The following MB variants were observed in gnomAD, a reference collection of about 807,000 sequenced individuals.
MB encodes the protein nitrite reductase MB.
Under a neutral mutation model 14.5 loss-of-function variants are expected in MB, and 10 were observed. That is an observed-to-expected ratio of 0.69 (90% CI 0.43 to 1.17). The LOEUF is 1.17. Among genes scored for constraint, MB ranks in the 50% most tolerant of loss-of-function variants. The pLI is 0.00. For missense variants in MB, 169 were observed against 192.7 expected, an observed-to-expected ratio of 0.88 and a Z score of 0.73; for synonymous variants, 89 against 78.6, an observed-to-expected ratio of 1.13 and a Z score of -0.70.
chr22:35,611,505 C>T (rs1165242562), intron 1 of MB, among the ~76,000 whole-genome samples: 1 of 152,220 alleles, frequency 6.6e-6, no homozygotes, highest in Admixed American at 6.5e-5. Flanking sequence ...ATCTCTGCAG[C>T]TTCCTGCCCA....
chr22:35,614,734 C>CCATTATCATTATCATTAT (rs58036134), intron 1 of MB, among the ~76,000 whole-genome samples: 1 of 150,522 alleles, frequency 6.6e-6, no homozygotes, highest in South Asian at 2.1e-4. Flanking sequence ...ATCATCTCTA[C>CCATTATCATTATCATTAT]CATTATCATT....
chr22:35,608,546 A>C lies in MB; in HGVS notation c.319-1103T>G, dbSNP rs1349110417. Among the ~76,000 whole-genome samples the C allele has an allele frequency of 1.3e-5, 2 of 152,218 alleles. No individual in the cohort carries two copies. The highest frequency in any genetic ancestry group is 3.9e-4 in the East Asian group (2 of 5,194). ...CACCCCATAAGCCCCTCTGCTGGGA[A>C]AGAGGGGCAGCTCCACAAACGCCTA... On this transcript the variant is annotated intron_variant, in intron 2 of 2. Transcript: ENST00000397326. This position sits in a 1 kb window ranked among gnomAD's most constrained non-coding sequence, Gnocchi z 4.3.
At chr22:35,618,035 T>A (rs1382977208), upstream of MB, among the ~76,000 whole-genome samples, 1 of 152,248 alleles carries the variant, frequency 6.6e-6, no homozygotes, top group Non-Finnish European at 1.5e-5. Flanking sequence ...TTTCATGCCA[T>A]CTTCTCCATT....
chr22:35,615,944 C>A (rs151206861), intron 1 of MB, among the ~76,000 whole-genome samples: 1 of 152,096 alleles, frequency 6.6e-6, no homozygotes, highest in African/African-American at 2.4e-5. Flanking sequence ...GGATCACCAA[C>A]GGCTCAAATT....
chr22:35,612,456 T>C lies in MB; in HGVS notation c.96-1350A>G, dbSNP rs546582023. 6.2e-4 allele frequency among the ~76,000 whole-genome samples: 95 copies of C among 152,208 alleles called. 1 individual carries two copies. The highest frequency in any genetic ancestry group is 6.0e-4 in the Non-Finnish European group (41 of 67,994). On this transcript the variant is annotated intron_variant, in intron 1 of 2. Coordinates refer to ENST00000397326, the MANE Select transcript of MB (RefSeq NM_005368.3). ...TCTGGCTCTGTTGCCCAGGCTGGAGTGCAGTGGTGCAATCTCTGCTCACCG... is the reference window on the plus strand; with the variant it reads ...TCTGGCTCTGTTGCCCAGGCTGGAGCGCAGTGGTGCAATCTCTGCTCACCG...
intron 1 of MB, among the ~76,000 whole-genome samples, chr22:35,614,156 T>C (rs111828700): frequency 4.6e-5 from 7 of 152,296 alleles, no homozygotes; most frequent in East Asian, 1.9e-4. Context: ...TGAGGCCCAA[T>C]TGGACACTCA....
chr22:35,620,119 A>G (rs1373617366), upstream of MB, among the ~76,000 whole-genome samples: 1 of 152,208 alleles, frequency 6.6e-6, no homozygotes, highest in East Asian at 1.9e-4. Flanking sequence ...GTGGATCACA[A>G]GGTCAAGAGA....
intron 2 of MB, 94 bp from the exon 3 acceptor site, chr22:35,607,537 C>G: frequency 7.7e-7 from 1 of 1,300,662 alleles, no homozygotes; most frequent in Non-Finnish European, 1.1e-6. Flanking sequence ...CTCTTTATTC[C>G]AGGACCGTGT....
intron 1 of MB, among the ~76,000 whole-genome samples, chr22:35,611,553 A>G (rs1328043313): frequency 1.3e-5 from 2 of 152,132 alleles, no homozygotes; most frequent in East Asian, 3.9e-4. Flanking sequence ...CTCTAGCTAC[A>G]GGAGGCTCAC....
At position 35,611,820 on chromosome 22, in the gene MB, C is replaced by T. The variant is rs138298470; in HGVS notation, c.96-714G>A. Among the ~76,000 whole-genome samples the T allele has an allele frequency of 1.3e-3, 191 of 151,096 alleles. 1 individual carries two copies. The highest frequency in any genetic ancestry group is 3.4e-3 in the South Asian group (16 of 4,702). On this transcript the variant is annotated intron_variant, in intron 1 of 2. Transcript: ENST00000397326. ...AGCTTTAGACCTCGGTCCTTCCTGC[C>T]CACCTCCAACTTTAGACCTTGGTCC...
chr22:35,611,472 C>A (rs913047790), intron 1 of MB, among the ~76,000 whole-genome samples: 1 of 152,178 alleles, frequency 6.6e-6, no homozygotes, highest in Non-Finnish European at 1.5e-5. Flanking sequence ...ACCAAAACAG[C>A]AGTTCTAGTC....
chr22:35,618,909 CATCT>C (rs776855609), upstream of MB, among the ~76,000 whole-genome samples: 50 of 151,512 alleles, frequency 3.3e-4, no homozygotes, highest in African/African-American at 7.5e-4. Flanking sequence ...CCCATCCCTC[CATCT>C]ATCTATCTGT....
upstream of MB, among the ~76,000 whole-genome samples, chr22:35,621,532 G>A (rs186139343): frequency 1.3e-5 from 2 of 152,246 alleles, no homozygotes; most frequent in African/African-American, 4.8e-5. Context: ...GACTAAAAGA[G>A]GCCTTCAACG....
At chr22:35,615,607 G>A (rs1923015019) in intron 1 of MB, 1 of 152,250 alleles carries the variant, frequency 6.6e-6, no homozygotes, top group Admixed American at 6.5e-5. Context: ...CCTCGCCAAA[G>A]GCAAAAGTGC....
At chr22:35,613,551 A>G (rs1050883952) in intron 1 of MB, among the ~76,000 whole-genome samples, 7 of 152,184 alleles carry the variant, frequency 4.6e-5, no homozygotes, top group African/African-American at 1.7e-4. Flanking sequence ...GCTGGAGTGC[A>G]GTGGTGTGAT....
intron 1 of MB, among the ~76,000 whole-genome samples, chr22:35,611,446 G>T (rs1228074963): frequency 6.6e-6 from 1 of 152,176 alleles, no homozygotes; most frequent in Admixed American, 6.5e-5. Flanking sequence ...AGCCAGGCTG[G>T]AATGAGGTCT....
At chr22:35,612,429 A>C (rs971278131) in intron 1 of MB, among the ~76,000 whole-genome samples, 1 of 152,024 alleles carries the variant, frequency 6.6e-6, no homozygotes, top group African/African-American at 2.4e-5. Flanking sequence ...TTTGAGATGG[A>C]ATCTGGCTCT....
upstream of MB, among the ~76,000 whole-genome samples, chr22:35,621,671 A>C (rs781194596): frequency 6.6e-6 from 1 of 152,196 alleles, no homozygotes; most frequent in African/African-American, 2.4e-5. Flanking sequence ...TGTCGAACCA[A>C]AAGATGCCTC....
At chr22:35,616,189 T>C (rs1923068725) in intron 1 of MB, among the ~76,000 whole-genome samples, 1 of 152,190 alleles carries the variant, frequency 6.6e-6, no homozygotes, top group Non-Finnish European at 1.5e-5. Context: ...ATTCTTAACC[T>C]ATTAGACTTC....
Sources: gnomAD v4.1 joint callset for allele counts (sites outside exome capture counted in the v4.1 genomes callset) on GRCh38, gnomAD v4.1.1 for gene constraint, Gnocchi (gnomAD v3.1) non-coding constraint, MANE v1.5 for transcripts, NCBI Gene and HGNC (gene_info 2026-07-23, HGNC 2026-07-21) for gene names.